Variants in ZP3 observed in about 807,000 individuals in gnomAD.
ZP3 encodes zona pellucida sperm-binding protein 3.
In ZP3, 21 loss-of-function variants were observed where a neutral mutation model predicts 35.6. The observed-to-expected ratio is 0.59, with a 90% confidence interval of 0.42 to 0.85. The LOEUF is 0.85. Among genes scored for constraint, ZP3 ranks in the 40% least tolerant of loss-of-function variants. ZP3 has a pLI of 0.00. For missense variants in ZP3, 437 were observed against 536.5 expected, an observed-to-expected ratio of 0.81 and a Z score of 1.83; for synonymous variants, 207 against 214.5, an observed-to-expected ratio of 0.96 and a Z score of 0.31.
intron 5 of ZP3, among the ~76,000 whole-genome samples, chr7:76,436,594 T>C (rs1390583658): frequency 1.3e-5 from 2 of 152,100 alleles, no homozygotes; most frequent in Non-Finnish European, 2.9e-5. Flanking sequence ...CACAGATCAG[T>C]AGGGTAGCAA....
intron 5 of ZP3, among the ~76,000 whole-genome samples, chr7:76,434,496 G>GT (rs1805933025): frequency 6.9e-6 from 1 of 145,606 alleles, no homozygotes; most frequent in African/African-American, 2.5e-5. Context: ...AATTAGCTGA[G>GT]TGTGGTGGTT....
rs1171830870 is a variant in ZP3 at position 76,405,271 on chromosome 7, T to TTATATATATA, written c.-67+7510_-67+7519dup. On this transcript the variant is annotated intron_variant, in intron 1 of 8. Transcript: ENST00000336517. Reference sequence around the variant, plus strand: ...GGCGTGCATCACCACACCCAGCTAATTATATATATATATATATATATATAT... The same window carrying TTATATATATA: ...GGCGTGCATCACCACACCCAGCTAATTATATATATATATATATATATATATATATATATAT... Among the ~76,000 whole-genome samples the TTATATATATA allele has an allele frequency of 4.4e-3, 40 of 9,132 alleles. 1 individual carries two copies. Among genetic ancestry groups the TTATATATATA allele is most frequent in the South Asian group, 0.011 (1 of 92 alleles). 6.0% of individuals were successfully genotyped at this position (9,132 alleles called of 152,430 possible).
At position 76,418,837 on chromosome 7, in the gene ZP3, C is replaced by T. The variant is rs187343393; in HGVS notation, c.-66-6215C>T. The stretch of plus-strand genomic sequence containing the variant: ...CGCCACTGCACTCCAGCCTGGGCCA[C>T]AGAGGGAGACTCTGTCTCAGAAAAC... On this transcript the variant is annotated intron_variant, in intron 1 of 8. Coordinates refer to the ZP3 transcript ENST00000336517. Among the ~76,000 whole-genome samples, 41 of 152,292 alleles carry T rather than the reference C, an allele frequency of 2.7e-4. No homozygotes were observed. The East Asian group carries it at 5.4e-3, about 20-fold the overall frequency.
chr7:76,431,755 C>T (rs1423450258), intron 2 of ZP3, among the ~76,000 whole-genome samples: 1 of 152,130 alleles, frequency 6.6e-6, no homozygotes, highest in African/African-American at 2.4e-5. Context: ...AAAAATTAGC[C>T]AGGCCTAGTG....
At position 76,429,543 on chromosome 7, in the gene ZP3, C is replaced by G. The variant is rs1171998147; in HGVS notation, c.341C>G (p.Thr114Ser). 3.7e-6 allele frequency: 6 copies of G among 1,613,956 alleles called. No homozygotes were observed. The East Asian group carries it at 8.9e-5, about 24-fold the overall frequency. Residue 114 changes from threonine (T) to serine (S), a missense_variant, in exon 2 of 8, where the codon ACC becomes AGC. Physicochemically the swap from Thr to Ser is moderately conservative, Grantham distance 58. Coordinates refer to ENST00000394857, the MANE Select transcript of ZP3 (RefSeq NM_001110354.2). ...QVTDDALVYSTFLLHDPRPVG... is the reference protein window; with the variant it reads ...QVTDDALVYSSFLLHDPRPVG... Reference sequence around the variant, plus strand: ...ACTGACGATGCCCTGGTGTACAGCACCTTCCTGCTCCATGACCCCCGCCCC... The same window carrying G: ...ACTGACGATGCCCTGGTGTACAGCAGCTTCCTGCTCCATGACCCCCGCCCC...
chr7:76,429,673 C>A lies in ZP3; in HGVS notation c.431+40C>A, dbSNP rs755648528. The A allele has an allele frequency of 5.1e-6, 8 of 1,573,498 alleles. No homozygotes were observed. The South Asian group carries it at 6.7e-5, about 13-fold the overall frequency. ...GACTCATGGCCCCTGGTGCAAAAGCCCCTTGGGTGTGGCTGCAGGCAAGTG... is the reference window on the plus strand; with the variant it reads ...GACTCATGGCCCCTGGTGCAAAAGCACCTTGGGTGTGGCTGCAGGCAAGTG... On this transcript the variant is annotated intron_variant, in intron 2 of 7. Coordinates refer to ENST00000394857, the MANE Select transcript of ZP3 (RefSeq NM_001110354.2).
In ZP3 at chr7:76,426,283, C is replaced by T. The variant is rs1805648437; in HGVS notation, c.312+1007C>T. On this transcript the variant is annotated intron_variant, in intron 1 of 7. Transcript: ENST00000394857. ...CCCTAGCCAGTGGGGAAAGAGGCTG[C>T]AAGGAGAGGCCTTACGGCAGGGCAG... Among the ~76,000 whole-genome samples the T allele has an allele frequency of 1.3e-5, 2 of 152,132 alleles. 1 individual carries two copies. The highest frequency in any genetic ancestry group is 4.1e-4 in the South Asian group (2 of 4,826).
upstream of ZP3, among the ~76,000 whole-genome samples, chr7:76,422,890 C>T (rs1263102103): frequency 2.0e-5 from 3 of 147,870 alleles, no homozygotes; most frequent in Non-Finnish European, 3.0e-5. Context: ...CCCAGCTACT[C>T]GGGAGGCTGA....
intron 1 of ZP3, 187 bp from the exon 2 acceptor site, chr7:76,429,328 C>G (rs1376519259): frequency 3.4e-6 from 2 of 593,400 alleles, no homozygotes; most frequent in East Asian, 2.9e-5. Context: ...CAGTCTCAAA[C>G]TCCTGGCCTC....
intron 1 of ZP3, among the ~76,000 whole-genome samples, chr7:76,419,607 C>CCCTT (rs920950125): frequency 2.0e-5 from 3 of 150,464 alleles, no homozygotes; most frequent in Non-Finnish European, 4.4e-5. Flanking sequence ...TTTTCTTTCT[C>CCCTT]CCTTCCTTCC....
rs140765173 is a variant in ZP3 at position 76,402,289 on chromosome 7, C to T, written c.-67+4492C>T. ...CTGCCTCCTGGGTTCAAGTGATTCT[C>T]CCACCTCAGCCTCCCGAGTAATTGG... On this transcript the variant is annotated intron_variant, in intron 1 of 8. Transcript: ENST00000336517. Among the ~76,000 whole-genome samples the T allele has an allele frequency of 2.7e-3, 408 of 151,384 alleles. 2 individuals carry two copies. Among genetic ancestry groups the T allele is most frequent in the African/African-American group, 9.3e-3 (384 of 41,286 alleles).
At chr7:76,423,063 G>GAAAGAAAGAAAGAAAGAAAGAAAC (rs1805558933), upstream of ZP3, among the ~76,000 whole-genome samples, 1 of 145,864 alleles carries the variant, frequency 6.9e-6, no homozygotes, top group Admixed American at 6.9e-5. Context: ...AAGAAAGAAA[G>GAAAGAAAGAAAGAAAGAAAGAAAC]AAAGAAAGAA....
Position 76,432,606 on chromosome 7 carries a change from G to A in ZP3, c.432-321G>A, listed in dbSNP as rs187952321. ...GCTGGGATTACAGGCATGAGCCACC[G>A]CACTCAGGTCCAGGGCTCAAGAGGG... On this transcript the variant is annotated intron_variant, in intron 2 of 7. Coordinates refer to ENST00000394857, the MANE Select transcript of ZP3 (RefSeq NM_001110354.2). 2.9e-4 allele frequency among the ~76,000 whole-genome samples: 44 copies of A among 152,052 alleles called. No individual in the cohort carries two copies. The South Asian group carries it at 5.0e-3, about 17-fold the overall frequency.
At chr7:76,423,935 CG>C (rs1805581662), upstream of ZP3, among the ~76,000 whole-genome samples, 1 of 152,104 alleles carries the variant, frequency 6.6e-6, no homozygotes, top group South Asian at 2.1e-4. Flanking sequence ...GTATGAACTC[CG>C]GGGGATTCAC....
upstream of ZP3, among the ~76,000 whole-genome samples, chr7:76,423,055 G>GAAAC (rs1554624516): frequency 1.2e-3 from 161 of 135,998 alleles, 9 homozygotes; most frequent in African/African-American, 5.3e-3. Context: ...AAGAAAGAAA[G>GAAAC]AAAGAAAGAA....
At chr7:76,397,577 C>T (rs1277006558) in exon 1 of ZP3, 3 of 1,609,174 alleles carry the variant, frequency 1.9e-6, no homozygotes, top group East Asian at 2.2e-5. Flanking sequence ...CCAGCCCAGG[C>T]TCTGGCAGGC....
At chr7:76,402,009 A>G (rs951998562) in intron 1 of ZP3, among the ~76,000 whole-genome samples, 4 of 151,502 alleles carry the variant, frequency 2.6e-5, no homozygotes, top group African/African-American at 9.7e-5. Flanking sequence ...GAGTCCTTCT[A>G]CTTCATTCTT....
At chr7:76,429,221 G>A (rs894541294) in intron 1 of ZP3, 11 of 357,404 alleles carry the variant, frequency 3.1e-5, no homozygotes, top group East Asian at 1.2e-4. Flanking sequence ...TAAAGATTCC[G>A]AGGTACAAAG....
chr7:76,398,389 C>A (rs1219757755), intron 1 of ZP3, among the ~76,000 whole-genome samples: 1 of 150,758 alleles, frequency 6.6e-6, no homozygotes, highest in African/African-American at 2.4e-5. Flanking sequence ...ACTGCAACCT[C>A]TGCCTCCCGG....
Sources: gnomAD v4.1 joint callset for allele counts (sites outside exome capture counted in the v4.1 genomes callset) on GRCh38, gnomAD v4.1.1 for gene constraint, MANE v1.5 for transcripts, NCBI Gene and HGNC (gene_info 2026-07-23, HGNC 2026-07-21) for gene names.